IQCH: variants seen among roughly 807,000 people sequenced by gnomAD.
The protein encoded by IQCH is IQ domain-containing protein H.
A neutral mutation model predicts 117.0 loss-of-function variants in IQCH; 98 were observed. The observed-to-expected ratio is 0.84, with a 90% CI of 0.71 to 0.99. IQCH has a LOEUF of 0.99. Among genes scored for constraint, IQCH ranks in the 50% least tolerant of loss-of-function variants. IQCH has a pLI of 0.00. For missense variants in IQCH, 1,102 were observed against 1,243.8 expected, an observed-to-expected ratio of 0.89 and a Z score of 1.72; for synonymous variants, 412 against 448.2, an observed-to-expected ratio of 0.92 and a Z score of 1.02.
rs2083726180 is a variant in IQCH at position 67,493,724 on chromosome 15, A to G, written c.2862-534A>G. Among the ~76,000 whole-genome samples, 1 of 152,160 alleles carries G rather than the reference A, an allele frequency of 6.6e-6. No individual in the cohort carries two copies. Among genetic ancestry groups the G allele is most frequent in the Non-Finnish European group, 1.5e-5 (1 of 68,028 alleles). ...TGCACAACGTGCAGGTTTGTTACAT[A>G]TGTATCCATGTGCCATGTTAGTGTC... On this transcript the variant is annotated intron_variant, in intron 19 of 20. Coordinates refer to ENST00000335894, the MANE Select transcript of IQCH (RefSeq NM_001031715.3). The surrounding 1 kb of genome is among the most constrained non-coding windows in gnomAD (Gnocchi z 5.1).
At chr15:67,324,967 G>C (rs74020143) in intron 4 of IQCH, among the ~76,000 whole-genome samples, 3,136 of 151,956 alleles carry the variant, frequency 0.021, 90 homozygotes, top group African/African-American at 0.068. Context: ...TTAACAAATT[G>C]AGCAAGATTT....
At chr15:67,307,961 G>A (rs1393480225) in intron 4 of IQCH, among the ~76,000 whole-genome samples, 1 of 152,164 alleles carries the variant, frequency 6.6e-6, no homozygotes, top group East Asian at 1.9e-4. Flanking sequence ...CATTTCACCA[G>A]GTAGGGGTGC....
At chr15:67,415,005 G>A (rs1392113955) in intron 14 of IQCH, among the ~76,000 whole-genome samples, 1 of 152,090 alleles carries the variant, frequency 6.6e-6, no homozygotes, top group African/African-American at 2.4e-5. Flanking sequence ...TCCCAGCTTT[G>A]GGGCACTTCA....
rs149070596 is a variant in IQCH, at chr15:67,263,128, A to G, written c.181A>G (p.Ile61Val). ...TTTGACATTTCTGTAACAGATTCACATTGAGAAGTATTTAAATGTTGTAAA... is the reference window on the plus strand; with the variant it reads ...TTTGACATTTCTGTAACAGATTCACGTTGAGAAGTATTTAAATGTTGTAAA... The part of the protein sequence containing the change: ...KRTEVGLRIH[I>V]EKYLNVVNQN... Residue 61 changes from isoleucine to valine, a missense_variant, in exon 3 of 21, where the codon ATT (isoleucine) becomes GTT (valine). Around this residue, in one of 2 missense-constraint regions of IQCH, gnomAD observed 452 missense variants for 449.6 expected, o/e 1.01. Transcript: ENST00000335894. 1.1e-5 allele frequency: 17 copies of G among 1,484,322 alleles called. No individual in the cohort carries two copies. The highest frequency in any genetic ancestry group is 5.5e-5 in the African/African-American group (4 of 72,432). The allele number at this position is 1,484,322 out of a possible 1,614,324, so 91.9% of individuals were successfully genotyped here.
Position 67,359,510 on chromosome 15 carries a change from C to T in IQCH, c.715-337C>T, listed in dbSNP as rs1970043526. ...AGTATGCCAAGCCTCGTGATAGAGC[C>T]AGTACAGACCTTTGATCAGACACCA... On this transcript the variant is annotated intron_variant, in intron 7 of 20. Transcript: ENST00000335894. The surrounding 1 kb of genome is among the most constrained non-coding windows in gnomAD (Gnocchi z 4.5). 6.6e-6 allele frequency among the ~76,000 whole-genome samples: 1 copy of T among 152,162 alleles called. No individual in the cohort carries two copies. The highest frequency in any genetic ancestry group is 2.1e-4 in the South Asian group (1 of 4,822).
intron 16 of IQCH, among the ~76,000 whole-genome samples, chr15:67,437,403 A>G (rs1266791294): frequency 6.6e-6 from 1 of 152,190 alleles, no homozygotes; most frequent in Admixed American, 6.5e-5. Context: ...AAGAATCTGA[A>G]CAACAGGCTG....
rs560940127 is a variant in IQCH at position 67,489,334 on chromosome 15, A to G, written c.2800-669A>G. On this transcript the variant is annotated intron_variant, in intron 18 of 20. Transcript: ENST00000335894. ...AGGTGTGAGCCACCGCGCCCGGCCA[A>G]TTTTTTTTGAGATGGAATTTTGCTC... Among the ~76,000 whole-genome samples, 12 of 136,888 alleles carry G rather than the reference A, an allele frequency of 8.8e-5. No homozygotes were observed. The East Asian group carries it at 1.3e-3, about 15-fold the overall frequency. The allele number at this position is 136,888 out of a possible 152,430, so 89.8% of individuals were successfully genotyped here. A position where few individuals can be genotyped will look rare whatever the true frequency, so the allele number is the denominator to read the frequency against.
chr15:67,273,577 A>G (rs1046063062), intron 3 of IQCH, among the ~76,000 whole-genome samples: 3 of 152,116 alleles, frequency 2.0e-5, no homozygotes, highest in Non-Finnish European at 2.9e-5. Flanking sequence ...TTCCCCATAC[A>G]TTTTGACTTT....
At chr15:67,484,740 C>CA (rs943046380) in intron 18 of IQCH, among the ~76,000 whole-genome samples, 68 of 141,432 alleles carry the variant, frequency 4.8e-4, no homozygotes, top group Middle Eastern at 3.5e-3. Flanking sequence ...GACTCCATCT[C>CA]AAAAAAAAAA....
rs575116833 is a variant in IQCH at position 67,448,231 on chromosome 15, TTTA to T, written c.2506-16888_2506-16886del. On this transcript the variant is annotated intron_variant, in intron 16 of 20. Transcript: ENST00000335894. ...CCATAAAATTCACACTTTTTAAAAT[TTTA>T]TTATTATACTTTAAGTTTTAGGGTA... Among the ~76,000 whole-genome samples the T allele has an allele frequency of 4.7e-3, 709 of 152,100 alleles. 1 individual carries two copies. The highest frequency in any genetic ancestry group is 7.3e-3 in the Non-Finnish European group (499 of 67,972).
At chr15:67,258,271 T>A (rs1965310867) in intron 1 of IQCH, among the ~76,000 whole-genome samples, 1 of 151,148 alleles carries the variant, frequency 6.6e-6, no homozygotes, top group Admixed American at 6.6e-5. Context: ...GGCTCATGCC[T>A]GTAATCCCAG....
intron 15 of IQCH, among the ~76,000 whole-genome samples, chr15:67,419,430 C>A (rs2081666192): frequency 6.6e-6 from 1 of 152,232 alleles, no homozygotes; most frequent in African/African-American, 2.4e-5. Context: ...CTCCCTCCCT[C>A]CAGCTTCCAC....
Position 67,372,457 on chromosome 15 carries a change from A to T in IQCH, c.1100A>T (p.Asp367Val). ...CCAGGGCAAAGGTACAAGGGCCAAG[A>T]TGGAAATTCGGAGGCCGCCATGAAG... Reference protein sequence around the residue: ...NLPGQRYKGQDGNSEAAMKIQ... With the variant: ...NLPGQRYKGQVGNSEAAMKIQ... Residue 367 changes from aspartate to valine, a missense_variant, in exon 9 of 21, where the codon GAT (aspartate) becomes GTT (valine). Asp to Val is a radical substitution (Grantham distance 152). Around this residue, in one of 2 missense-constraint regions of IQCH, gnomAD observed 452 missense variants for 449.6 expected, o/e 1.01. Coordinates refer to ENST00000335894, the MANE Select transcript of IQCH (RefSeq NM_001031715.3). 1 of 1,614,060 alleles carries T rather than the reference A, an allele frequency of 6.2e-7. No homozygotes were observed. The highest frequency in any genetic ancestry group is 8.5e-7 in the Non-Finnish European group (1 of 1,179,996).
chr15:67,307,201 AAT>A, intron 4 of IQCH: 34 of 868,152 alleles, frequency 3.9e-5, no homozygotes, highest in East Asian at 1.0e-4. Context: ...TTTCCAAATA[AAT>A]ATATATATAA....
chr15:67,357,321 A>C, intron 6 of IQCH, 24 bp from the exon 7 acceptor site: 1 of 1,505,408 alleles, frequency 6.6e-7, no homozygotes, highest in Non-Finnish European at 9.3e-7. Context: ...TGGAAAAGGT[A>C]ACATGTACTA....
rs567715173 is a variant in IQCH at position 67,436,928 on chromosome 15, G to A, written c.2505+15351G>A. ...CCAAGGGGAGTCTGAGCTCAGACAC[G>A]CGTAGCCCCACCCCCACCTGATGGT... is the stretch of plus-strand genomic sequence containing the variant. On this transcript the variant is annotated intron_variant, in intron 16 of 20. Transcript: ENST00000335894. This position sits in a 1 kb window ranked among gnomAD's most constrained non-coding sequence, Gnocchi z 5.1. 1.4e-4 allele frequency among the ~76,000 whole-genome samples: 21 copies of A among 152,008 alleles called. No individual in the cohort carries two copies. The highest frequency in any genetic ancestry group is 5.2e-4 in the Admixed American group (8 of 15,270).
At chr15:67,345,762 T>G (rs1969359517) in intron 6 of IQCH, among the ~76,000 whole-genome samples, 1 of 152,194 alleles carries the variant, frequency 6.6e-6, no homozygotes, top group Non-Finnish European at 1.5e-5. Flanking sequence ...GAAAAGATCC[T>G]GGAACAGTAA....
chr15:67,475,722 G>C lies in IQCH; in HGVS notation c.2703G>C (p.Val901=). The C allele has an allele frequency of 6.2e-7, 1 of 1,614,054 alleles. No individual in the cohort carries two copies. The highest frequency in any genetic ancestry group is 1.1e-5 in the South Asian group (1 of 91,084). ...MPMLATSRYA[V]MTTQLRHSNL... is the part of the protein sequence containing the mutation. ...TGCTGGCAACCAGTCGCTATGCAGTGATGACCACCCAGCTAAGACACAGCA... is the reference window on the plus strand; with the variant it reads ...TGCTGGCAACCAGTCGCTATGCAGTCATGACCACCCAGCTAAGACACAGCA... The change falls in exon 18 of 21, where the codon GTG becomes GTC. Residue 901 remains valine, a synonymous_variant. Coordinates refer to ENST00000335894, the MANE Select transcript of IQCH (RefSeq NM_001031715.3). This position sits in a 1 kb window ranked among gnomAD's most constrained non-coding sequence, Gnocchi z 5.7.
chr15:67,322,455 G>A (rs1228878358), intron 4 of IQCH, among the ~76,000 whole-genome samples: 2 of 152,136 alleles, frequency 1.3e-5, no homozygotes, highest in Admixed American at 6.5e-5. Flanking sequence ...CGCTTTTTGA[G>A]TGTTTAGTTC....
Sources: allele counts gnomAD v4.1 joint callset (sites outside exome capture counted in the v4.1 genomes callset), GRCh38; gene constraint gnomAD v4.1.1; regional missense constraint gnomAD v4.1.1; non-coding constraint Gnocchi (gnomAD v3.1); transcripts MANE v1.5; gene names NCBI Gene and HGNC (gene_info 2026-07-23, HGNC 2026-07-21).